Variants in CPNE4 observed in about 807,000 individuals in gnomAD.
CPNE4 encodes copine-4.
In CPNE4, 25 loss-of-function variants were observed where a neutral mutation model predicts 67.9. The observed-to-expected ratio is 0.37, with a 90% CI of 0.27 to 0.51. The LOEUF (loss-of-function observed/expected upper bound fraction) is 0.51. Ranked by LOEUF, CPNE4 falls within the 20% of genes least tolerant of loss-of-function variation. The pLI is 0.93. For synonymous variants in CPNE4, 242 were observed against 244.9 expected (o/e 0.99, Z 0.11); for missense variants, 464 against 690.8 (o/e 0.67, Z 3.68).
At chr3:131,926,658 G>T (rs1248869630) in intron 1 of CPNE4, among the ~76,000 whole-genome samples, 1 of 152,114 alleles carries the variant, frequency 6.6e-6, no homozygotes, top group African/African-American at 2.4e-5. Context: ...AAGTGGGAAT[G>T]AATTATTTTA....
chr3:131,967,337 A>C (rs1378159164), intron 1 of CPNE4, among the ~76,000 whole-genome samples: 2 of 152,050 alleles, frequency 1.3e-5, no homozygotes, highest in Non-Finnish European at 2.9e-5. Flanking sequence ...CTCTCTCACC[A>C]CTCCTTTTCA....
chr3:131,903,403 C>CA (rs1560571257), intron 2 of CPNE4, among the ~76,000 whole-genome samples: 1 of 130,226 alleles, frequency 7.7e-6, no homozygotes, highest in African/African-American at 2.8e-5. Flanking sequence ...TACCTAGATG[C>CA]AAAAAAGGAA....
chr3:131,700,223 G>A (rs559728133), intron 3 of CPNE4, among the ~76,000 whole-genome samples: 1 of 152,016 alleles, frequency 6.6e-6, no homozygotes, highest in African/African-American at 2.4e-5. Flanking sequence ...AGATAATGCA[G>A]TCAATTGGGA....
At chr3:131,939,261 T>C (rs1239688720) in intron 1 of CPNE4, among the ~76,000 whole-genome samples, 1 of 152,076 alleles carries the variant, frequency 6.6e-6, no homozygotes, top group Non-Finnish European at 1.5e-5. Flanking sequence ...TGGAATACAA[T>C]GCAGCTGTCA....
Position 131,726,492 on chromosome 3 carries a change from C to T in CPNE4, c.181-2867G>A, listed in dbSNP as rs940168882. Among the ~76,000 whole-genome samples the T allele has an allele frequency of 9.2e-5, 14 of 152,012 alleles. No individual in the cohort carries two copies. In the East Asian group the frequency reaches 1.3e-3, roughly 15 times the overall value. On this transcript the variant is annotated intron_variant, in intron 2 of 15. Coordinates refer to ENST00000429747, the MANE Select transcript of CPNE4 (RefSeq NM_130808.3). ...GGAAAAGCAGGAAAATGACAATAAG[C>T]GAAGTGCTTGCAATAATAAATGCAT...
At position 131,535,633 on chromosome 3, in the gene CPNE4, CACTT is replaced by C. The variant is rs372302204; in HGVS notation, c.1540-308_1540-305del. On this transcript the variant is annotated intron_variant, in intron 15 of 15. Coordinates refer to ENST00000429747, the MANE Select transcript of CPNE4 (RefSeq NM_130808.3). Reference sequence around the variant, plus strand: ...TTTCTAATTTTCACTCAATTTTAGACACTTATTTATGTTCCAGGTGCCACACTAG... The same window carrying C: ...TTTCTAATTTTCACTCAATTTTAGACATTTATGTTCCAGGTGCCACACTAG... Among the ~76,000 whole-genome samples the C allele has an allele frequency of 3.0e-3, 450 of 152,268 alleles. 4 individuals are homozygous for C. The highest frequency in any genetic ancestry group is 0.011 in the East Asian group (56 of 5,180).
intron 2 of CPNE4, among the ~76,000 whole-genome samples, chr3:131,747,542 TA>T (rs36086977): frequency 0.027 from 4,138 of 150,616 alleles, 206 homozygotes; most frequent in African/African-American, 0.095. Context: ...GGTTTCCACT[TA>T]AAAAAAAAAT....
At chr3:131,751,316 A>G (rs1399391373) in intron 2 of CPNE4, among the ~76,000 whole-genome samples, 2 of 151,984 alleles carry the variant, frequency 1.3e-5, no homozygotes, top group African/African-American at 4.8e-5. Flanking sequence ...AGGTTTCTGA[A>G]GTGTTATTCA....
intron 1 of CPNE4, chr3:131,925,439 AAACCAT>A (rs2070867931): frequency 6.6e-6 from 1 of 152,152 alleles, no homozygotes; most frequent in South Asian, 2.1e-4. Context: ...TTTCTCCACA[AAACCAT>A]AACCTCCATG....
At chr3:131,859,243 T>C (rs1387136172) in intron 2 of CPNE4, among the ~76,000 whole-genome samples, 1 of 152,112 alleles carries the variant, frequency 6.6e-6, no homozygotes, top group Non-Finnish European at 1.5e-5. Context: ...ATTTTATTTC[T>C]AAAATATGAG....
intron 2 of CPNE4, among the ~76,000 whole-genome samples, chr3:131,806,122 T>C (rs532114105): frequency 3.3e-4 from 50 of 152,374 alleles, no homozygotes; most frequent in African/African-American, 1.1e-3. Context: ...CTTGAAACTT[T>C]ATCTGAGTCT....
chr3:131,614,607 T>C (rs1252245853), intron 7 of CPNE4, among the ~76,000 whole-genome samples: 1 of 152,200 alleles, frequency 6.6e-6, no homozygotes, highest in East Asian at 1.9e-4. Flanking sequence ...AAAGGAAATT[T>C]GGACTTGGGG....
chr3:131,595,363 C>T (rs977455514), intron 7 of CPNE4, among the ~76,000 whole-genome samples: 6 of 152,124 alleles, frequency 3.9e-5, no homozygotes, highest in Non-Finnish European at 5.9e-5. Context: ...GGTGCATATA[C>T]ATACAATGAA....
chr3:131,883,780 T>C (rs191301461), intron 2 of CPNE4, among the ~76,000 whole-genome samples: 25 of 148,750 alleles, frequency 1.7e-4, no homozygotes, highest in African/African-American at 5.6e-4. Flanking sequence ...AATACAGTAT[T>C]GTTAACTGTA....
intron 1 of CPNE4, among the ~76,000 whole-genome samples, chr3:132,029,245 T>C (rs2074186842): frequency 6.6e-6 from 1 of 152,176 alleles, no homozygotes; most frequent in South Asian, 2.1e-4. Flanking sequence ...GTAGTCAGAC[T>C]GTCCAGCCGC....
chr3:131,702,257 A>G (rs1055036468), intron 3 of CPNE4, among the ~76,000 whole-genome samples: 2 of 152,192 alleles, frequency 1.3e-5, no homozygotes, highest in African/African-American at 4.8e-5. Context: ...TAAGGAGTAC[A>G]TATTATGTTA....
intron 2 of CPNE4, among the ~76,000 whole-genome samples, chr3:131,753,023 G>A (rs2082668430): frequency 1.3e-5 from 2 of 151,388 alleles, no homozygotes; most frequent in East Asian, 3.9e-4. Context: ...AATATAAATT[G>A]TATATAAAAT....
chr3:131,857,269 C>A (rs746239069), intron 2 of CPNE4, among the ~76,000 whole-genome samples: 9 of 152,030 alleles, frequency 5.9e-5, no homozygotes, highest in Non-Finnish European at 1.2e-4. Flanking sequence ...TTTTTAGCAT[C>A]AAAACTGATT....
intron 1 of CPNE4, among the ~76,000 whole-genome samples, chr3:131,957,132 G>T (rs1187141385): frequency 2.6e-5 from 4 of 152,172 alleles, no homozygotes; most frequent in African/African-American, 9.7e-5. Flanking sequence ...CTGGGACTCA[G>T]TGAGAAACTG....
Sources: gnomAD v4.1 joint callset for allele counts (sites outside exome capture counted in the v4.1 genomes callset) on GRCh38, gnomAD v4.1.1 for gene constraint, MANE v1.5 for transcripts, NCBI Gene and HGNC (gene_info 2026-07-23, HGNC 2026-07-21) for gene names.